MYO5B: variants seen among roughly 807,000 people sequenced by gnomAD.
MYO5B encodes myosin VB, also known as unconventional myosin-Vb.
In MYO5B, 143 loss-of-function variants were observed where a neutral mutation model predicts 229.3. The observed-to-expected ratio is 0.62, with a 90% confidence interval of 0.54 to 0.72. MYO5B has a LOEUF of 0.72. Ranked by LOEUF, MYO5B falls within the 30% of genes least tolerant of loss-of-function variation. MYO5B has a pLI of 0.00. For missense variants in MYO5B, 2,321 were observed against 2,331.0 expected (o/e 1.00, Z 0.09); for synonymous variants, 918 against 885.2 (o/e 1.04, Z -0.66).
chr18:50,039,772 G>A (rs546910078), intron 3 of MYO5B, among the ~76,000 whole-genome samples: 4 of 152,288 alleles, frequency 2.6e-5, no homozygotes, highest in African/African-American at 9.6e-5. Context: ...CAGAAAAGCA[G>A]GCTTTTCAAG....
At chr18:50,024,552 C>A (rs2026310618) in intron 4 of MYO5B, among the ~76,000 whole-genome samples, 2 of 152,148 alleles carry the variant, frequency 1.3e-5, no homozygotes, top group African/African-American at 4.8e-5. Flanking sequence ...TTCTCTAGTT[C>A]TGGGAATACA....
chr18:50,084,111 G>C (rs2031277772), intron 1 of MYO5B, among the ~76,000 whole-genome samples: 1 of 152,144 alleles, frequency 6.6e-6, no homozygotes, highest in African/African-American at 2.4e-5. Flanking sequence ...CTGGCACCTA[G>C]TTGCTAACAT....
intron 17 of MYO5B, among the ~76,000 whole-genome samples, chr18:49,921,572 A>C (rs996624091): frequency 6.6e-6 from 1 of 152,242 alleles, no homozygotes; most frequent in Non-Finnish European, 1.5e-5. Flanking sequence ...ACAGAGAGCC[A>C]TAATTCTCAG....
intron 39 of MYO5B, among the ~76,000 whole-genome samples, chr18:49,829,197 GC>G (rs1045071002): frequency 1.3e-5 from 2 of 151,402 alleles, no homozygotes; most frequent in Admixed American, 1.3e-4. Context: ...TCCTGCCTCA[GC>G]CCCCCAAGTA....
chr18:49,904,926 T>A, intron 19 of MYO5B, 98 bp from the exon 20 acceptor site: 2 of 1,450,316 alleles, frequency 1.4e-6, no homozygotes, highest in Non-Finnish European at 1.9e-6. Context: ...CCTCTCCCTC[T>A]GTGGCCCTAC....
At chr18:49,851,248 C>T (rs1375052871) in intron 31 of MYO5B, among the ~76,000 whole-genome samples, 1 of 152,144 alleles carries the variant, frequency 6.6e-6, no homozygotes, top group African/African-American at 2.4e-5. Flanking sequence ...TCCAATACCC[C>T]TCCCGAAATG....
intron 22 of MYO5B, among the ~76,000 whole-genome samples, chr18:49,882,597 C>T (rs1457835416): frequency 8.4e-6 from 1 of 119,654 alleles, no homozygotes; most frequent in Non-Finnish European, 1.7e-5. Flanking sequence ...CACAGCACTC[C>T]AGCCTGGCAA....
intron 7 of MYO5B, among the ~76,000 whole-genome samples, chr18:49,986,110 G>A (rs2025867705): frequency 6.6e-6 from 1 of 152,114 alleles, no homozygotes; most frequent in Admixed American, 6.5e-5. Flanking sequence ...AACAGCCCCT[G>A]GCCCTTTTGT....
chr18:50,047,198 AG>A (rs1454157548), intron 2 of MYO5B, among the ~76,000 whole-genome samples: 1 of 152,236 alleles, frequency 6.6e-6, no homozygotes, highest in Non-Finnish European at 1.5e-5. Context: ...CATCTGACAA[AG>A]GGCTAATATC....
chr18:49,894,229 C>T (rs753527942), intron 22 of MYO5B, among the ~76,000 whole-genome samples: 3 of 151,402 alleles, frequency 2.0e-5, no homozygotes, highest in Admixed American at 6.6e-5. Context: ...TGGACAAACA[C>T]TGAAAAAGCG....
chr18:50,086,855 A>C (rs899347627), intron 1 of MYO5B, among the ~76,000 whole-genome samples: 8 of 152,228 alleles, frequency 5.3e-5, no homozygotes, highest in Admixed American at 3.3e-4. Flanking sequence ...GTCAACTCAC[A>C]GAAATGCAAA....
chr18:49,886,944 T>C (rs927870841), intron 22 of MYO5B, among the ~76,000 whole-genome samples: 4 of 152,154 alleles, frequency 2.6e-5, no homozygotes, highest in African/African-American at 9.7e-5. Flanking sequence ...TGGTAGTTGA[T>C]ATGGTTTGGA....
chr18:49,968,457 A>C (rs1480884497), intron 10 of MYO5B, among the ~76,000 whole-genome samples: 3 of 152,248 alleles, frequency 2.0e-5, no homozygotes, highest in African/African-American at 4.8e-5. Context: ...TCTATAACTA[A>C]GATCTGAGTC....
intron 2 of MYO5B, among the ~76,000 whole-genome samples, chr18:50,042,315 T>A (rs1210272441): frequency 6.6e-6 from 1 of 152,114 alleles, no homozygotes; most frequent in African/African-American, 2.4e-5. Context: ...AAAAAAAGTA[T>A]CCTATAGGAA....
intron 2 of MYO5B, among the ~76,000 whole-genome samples, chr18:50,042,743 C>T (rs189159582): frequency 1.1e-4 from 16 of 152,274 alleles, no homozygotes; most frequent in African/African-American, 3.9e-4. Flanking sequence ...GAGATGTCCC[C>T]GGACCTGAGA....
At chr18:49,873,879 C>G (rs976107817) in intron 26 of MYO5B, among the ~76,000 whole-genome samples, 2 of 152,168 alleles carry the variant, frequency 1.3e-5, no homozygotes, top group African/African-American at 4.8e-5. Context: ...CTCACAGCGC[C>G]TCAGTCACTT....
intron 39 of MYO5B, among the ~76,000 whole-genome samples, chr18:49,828,298 A>C (rs1309117946): frequency 6.6e-6 from 1 of 152,266 alleles, no homozygotes; most frequent in Non-Finnish European, 1.5e-5. Context: ...TAAATCTGGC[A>C]AAACTACCCT....
At chr18:49,849,688 C>T in intron 31 of MYO5B, 28 bp from the exon 32 acceptor site, 1 of 1,563,680 alleles carries the variant, frequency 6.4e-7, no homozygotes, top group South Asian at 1.1e-5. Context: ...AGTGTGAGAA[C>T]AGACATCAGC....
chr18:50,095,601 C>T (rs1024874792), intron 1 of MYO5B, among the ~76,000 whole-genome samples: 2 of 152,182 alleles, frequency 1.3e-5, no homozygotes, highest in African/African-American at 4.8e-5. Flanking sequence ...AGCCCAGCCC[C>T]ATTGTGAATA....
Sources: allele counts gnomAD v4.1 joint callset (sites outside exome capture counted in the v4.1 genomes callset), GRCh38; gene constraint gnomAD v4.1.1; transcripts MANE v1.5; gene names NCBI Gene and HGNC (gene_info 2026-07-23, HGNC 2026-07-21).